Variants in AIM2 observed in about 807,000 individuals in gnomAD.
AIM2 encodes the protein interferon-inducible protein AIM2.
Under a neutral mutation model 27.7 loss-of-function variants are expected in AIM2, and 30 were observed. The ratio of observed to expected loss-of-function variants is 1.08; its 90% CI spans 0.81 to 1.47. AIM2 has a LOEUF of 1.47. Among genes scored for constraint, AIM2 ranks in the 40% most tolerant of loss-of-function variants. AIM2 has a pLI of 0.00. For synonymous variants in AIM2, 141 were observed against 145.3 expected (o/e 0.97, Z 0.21); for missense variants, 358 against 411.3 (o/e 0.87, Z 1.12).
At chr1:159,062,887 A>G (rs1443809894) in intron 5 of AIM2, among the ~76,000 whole-genome samples, 169 bp from the exon 6 acceptor site, 2 of 152,158 alleles carry the variant, frequency 1.3e-5, no homozygotes, top group Non-Finnish European at 2.9e-5. Context: ...CCTGAAGTGA[A>G]TATCTGACCT....
At chr1:159,063,886 G>T (rs1655964020) in intron 4 of AIM2, among the ~76,000 whole-genome samples, 1 of 152,098 alleles carries the variant, frequency 6.6e-6, no homozygotes, top group Admixed American at 6.5e-5. Flanking sequence ...TTCCTCCTCA[G>T]TCTACTTAAC....
chr1:159,116,834 TAA>T (rs879376122), intron 1 of AIM2, among the ~76,000 whole-genome samples: 1 of 140,130 alleles, frequency 7.1e-6, no homozygotes, highest in Non-Finnish European at 1.6e-5. Context: ...AAAGTATAAT[TAA>T]AAAAAAAAAA....
chr1:159,086,514 C>G (rs966400044), intron 1 of AIM2, among the ~76,000 whole-genome samples: 4 of 152,248 alleles, frequency 2.6e-5, no homozygotes, highest in Admixed American at 6.5e-5. Context: ...TTCTCCTCCC[C>G]CATCTGGCTA....
At chr1:159,061,057 T>G (rs755104539), downstream of AIM2, among the ~76,000 whole-genome samples, 2 of 152,222 alleles carry the variant, frequency 1.3e-5, no homozygotes, top group Non-Finnish European at 2.9e-5. Context: ...GCATTGTAGA[T>G]GCATATTAAG....
chr1:159,120,011 T>C (rs1647489851), intron 1 of AIM2, among the ~76,000 whole-genome samples: 1 of 152,198 alleles, frequency 6.6e-6, no homozygotes. Context: ...TATAATCTTA[T>C]GTTCATACTA....
intron 1 of AIM2, among the ~76,000 whole-genome samples, chr1:159,112,942 T>TAC (rs1657607895): frequency 6.6e-6 from 1 of 150,432 alleles, no homozygotes; most frequent in Admixed American, 6.6e-5. Flanking sequence ...TACATATATA[T>TAC]ATATATATAA....
chr1:159,134,499 TCTCCCTCA>T (rs1200718934), intron 1 of AIM2, among the ~76,000 whole-genome samples: 3 of 152,220 alleles, frequency 2.0e-5, no homozygotes, highest in Non-Finnish European at 4.4e-5. Context: ...CATGCGGCCT[TCTCCCTCA>T]CTCTCTATTG....
intron 3 of AIM2, 131 bp from the exon 4 acceptor site, chr1:159,066,460 G>T: frequency 1.1e-6 from 1 of 935,572 alleles, no homozygotes; most frequent in Non-Finnish European, 1.6e-6. Flanking sequence ...GAGATACAGA[G>T]GGGATACGAA....
chr1:159,106,133 G>T (rs1478342800), intron 1 of AIM2, among the ~76,000 whole-genome samples: 1 of 152,156 alleles, frequency 6.6e-6, no homozygotes, highest in Non-Finnish European at 1.5e-5. Flanking sequence ...TGAGACTGCA[G>T]GGGGAGAGGG....
At chr1:159,100,566 CT>C in intron 1 of AIM2, among the ~76,000 whole-genome samples, 1 of 152,300 alleles carries the variant, frequency 6.6e-6, no homozygotes, top group East Asian at 1.9e-4. Context: ...AGAGAAGTGG[CT>C]ATGAAACCTA....
chr1:159,081,598 T>C, upstream of AIM2: 1 of 425,468 alleles, frequency 2.4e-6, no homozygotes, highest in Admixed American at 2.8e-5. Flanking sequence ...CCATTCGTCT[T>C]TCTTCCAAAA....
chr1:159,108,586 A>AAAG (rs1258981270), intron 1 of AIM2, among the ~76,000 whole-genome samples: 1 of 152,200 alleles, frequency 6.6e-6, no homozygotes, highest in Non-Finnish European at 1.5e-5. Context: ...CTAAATCAGA[A>AAAG]AAGAAGAAGT....
chr1:159,101,413 C>T (rs1292980002), intron 1 of AIM2, among the ~76,000 whole-genome samples: 2 of 152,104 alleles, frequency 1.3e-5, no homozygotes, highest in Admixed American at 6.6e-5. Context: ...TACCCAGTCT[C>T]GAGTATTTCT....
intron 1 of AIM2, among the ~76,000 whole-genome samples, chr1:159,124,544 G>A (rs1157013484): frequency 6.6e-6 from 1 of 152,138 alleles, no homozygotes; most frequent in Non-Finnish European, 1.5e-5. Context: ...CTAAAGTAGA[G>A]GCTACAGTGT....
At chr1:159,096,490 C>T (rs982467952) in intron 1 of AIM2, among the ~76,000 whole-genome samples, 11 of 151,962 alleles carry the variant, frequency 7.2e-5, no homozygotes, top group African/African-American at 1.9e-4. Context: ...AAGTAAATTG[C>T]TATTTATTTT....
chr1:159,131,672 T>C (rs567069337), intron 1 of AIM2, among the ~76,000 whole-genome samples: 6 of 152,164 alleles, frequency 3.9e-5, no homozygotes, highest in Admixed American at 2.0e-4. Flanking sequence ...TTGGAGAACC[T>C]AGAGGAGAAT....
upstream of AIM2, chr1:159,081,470 T>C: frequency 4.0e-6 from 2 of 503,752 alleles, no homozygotes; most frequent in Non-Finnish European, 8.2e-6. Flanking sequence ...ACATCCAATC[T>C]GGGAAATGCT....
intron 1 of AIM2, chr1:159,123,580 A>G (rs1647601205): frequency 6.6e-6 from 1 of 152,208 alleles, no homozygotes; most frequent in African/African-American, 2.4e-5. Flanking sequence ...ATAGTTAAGT[A>G]TCTGGGAAAA....
At chr1:159,104,543 G>A (rs191398902) in intron 1 of AIM2, among the ~76,000 whole-genome samples, 1 of 152,242 alleles carries the variant, frequency 6.6e-6, no homozygotes, top group East Asian at 1.9e-4. Context: ...ATTGAGATGT[G>A]CTGTAAGATT....
Sources: allele counts gnomAD v4.1 joint callset (sites outside exome capture counted in the v4.1 genomes callset), GRCh38; gene constraint gnomAD v4.1.1; transcripts MANE v1.5; gene names NCBI Gene and HGNC (gene_info 2026-07-23, HGNC 2026-07-21).